AGTPBP1: variants seen among roughly 807,000 people sequenced by gnomAD.
AGTPBP1 encodes the protein cytosolic carboxypeptidase 1.
A neutral mutation model predicts 143.9 loss-of-function variants in AGTPBP1; 70 were observed. That is an observed-to-expected ratio of 0.49 (90% CI 0.40 to 0.59). The LOEUF (loss-of-function observed/expected upper bound fraction) is 0.59, where lower values mean the gene tolerates loss of function less well. Ranked by LOEUF, AGTPBP1 falls within the 20% of genes least tolerant of loss-of-function variation. The probability of loss-of-function intolerance (pLI) is 0.00; values close to 1 mark genes in which losing one functional copy is unlikely to be tolerated. For synonymous variants in AGTPBP1, 463 were observed against 500.2 expected, an observed-to-expected ratio of 0.93 and a Z score of 0.99; for missense variants, 1,229 against 1,464.5, an observed-to-expected ratio of 0.84 and a Z score of 2.62.
intron 25 of AGTPBP1, chr9:85,553,811 T>G (rs1474655366): frequency 1.3e-5 from 2 of 152,216 alleles, no homozygotes. Context: ...GGAACGTGAA[T>G]TTTAGAGTTA....
chr9:85,740,111 A>T (rs1448082955), intron 1 of AGTPBP1, among the ~76,000 whole-genome samples: 1 of 152,236 alleles, frequency 6.6e-6, no homozygotes, highest in Non-Finnish European at 1.5e-5. Context: ...GCCTAGCCAG[A>T]CTTTTCTAAA....
intron 20 of AGTPBP1, among the ~76,000 whole-genome samples, chr9:85,589,128 T>C (rs774192142): frequency 2.0e-5 from 3 of 152,128 alleles, no homozygotes; most frequent in Non-Finnish European, 2.9e-5. Flanking sequence ...CAGGGAAAAA[T>C]GAATAACTAT....
chr9:85,726,346 G>T (rs1162624104), intron 1 of AGTPBP1, among the ~76,000 whole-genome samples: 1 of 152,154 alleles, frequency 6.6e-6, no homozygotes, highest in Non-Finnish European at 1.5e-5. Context: ...AAATTACAAT[G>T]GAGTTATATC....
At chr9:85,646,498 T>C in intron 11 of AGTPBP1, 80 bp from the exon 12 acceptor site, 2 of 948,444 alleles carry the variant, frequency 2.1e-6, no homozygotes, top group East Asian at 2.4e-5. Context: ...ATGTGACTTA[T>C]ATAAAGTATT....
intron 19 of AGTPBP1, among the ~76,000 whole-genome samples, chr9:85,591,935 T>C (rs1275613884): frequency 6.8e-6 from 1 of 147,642 alleles, no homozygotes; most frequent in African/African-American, 2.7e-5. Context: ...CTAGACTTTG[T>C]TTGTTTAGTT....
the AGTPBP1 span, among the ~76,000 whole-genome samples, chr9:85,803,544 A>T: frequency 1.3e-5 from 2 of 152,142 alleles, no homozygotes; most frequent in Non-Finnish European, 2.9e-5. Context: ...TGAGATTCTG[A>T]GTTTCCAACT....
the AGTPBP1 span, among the ~76,000 whole-genome samples, chr9:85,803,461 T>G: frequency 1.3e-5 from 2 of 152,164 alleles, no homozygotes; most frequent in Admixed American, 6.5e-5. Flanking sequence ...TCTCAAACTT[T>G]TTGATGTGGC....
chr9:85,723,745 G>T (rs983771473), intron 1 of AGTPBP1, among the ~76,000 whole-genome samples: 4 of 152,136 alleles, frequency 2.6e-5, no homozygotes, highest in African/African-American at 9.7e-5. Flanking sequence ...TGGAAATGCA[G>T]AAATCACCCG....
intron 3 of AGTPBP1, among the ~76,000 whole-genome samples, chr9:85,690,448 T>A (rs1419952171): frequency 6.6e-6 from 1 of 152,184 alleles, no homozygotes. Context: ...GGTCATTCTC[T>A]GATAGTGGTA....
At chr9:85,753,543 C>G in the AGTPBP1 span, 1 of 1,320,788 alleles carries the variant, frequency 7.6e-7, no homozygotes, top group South Asian at 1.4e-5. Flanking sequence ...CACCTGCGGT[C>G]AGGAGTTCGA....
intron 2 of AGTPBP1, among the ~76,000 whole-genome samples, chr9:85,705,650 T>A (rs1408188874): frequency 6.6e-6 from 1 of 152,172 alleles, no homozygotes; most frequent in South Asian, 2.1e-4. Context: ...AGTAAGCGTA[T>A]GACAAACAGC....
chr9:85,701,374 C>A (rs1391958489), intron 2 of AGTPBP1, among the ~76,000 whole-genome samples: 2 of 151,850 alleles, frequency 1.3e-5, no homozygotes, highest in East Asian at 3.9e-4. Flanking sequence ...GGATTACAGG[C>A]ACCCACCACC....
chr9:85,648,247 G>A (rs1233205772), intron 11 of AGTPBP1, among the ~76,000 whole-genome samples: 1 of 152,210 alleles, frequency 6.6e-6, no homozygotes, highest in Non-Finnish European at 1.5e-5. Flanking sequence ...GGCAGAGTAT[G>A]TGTTACACAA....
chr9:85,701,476 C>T (rs1398919393), intron 2 of AGTPBP1, among the ~76,000 whole-genome samples: 1 of 151,978 alleles, frequency 6.6e-6, no homozygotes, highest in African/African-American at 2.4e-5. Context: ...GTAATCCACC[C>T]GCCTCAGTCT....
At chr9:85,663,019 A>C (rs1713302308) in intron 8 of AGTPBP1, among the ~76,000 whole-genome samples, 1 of 152,172 alleles carries the variant, frequency 6.6e-6, no homozygotes, top group African/African-American at 2.4e-5. Context: ...AAAGCGACCA[A>C]GCCACAGCAC....
chr9:85,743,413 T>C (rs756486038), upstream of AGTPBP1, among the ~76,000 whole-genome samples: 5 of 152,150 alleles, frequency 3.3e-5, no homozygotes, highest in Non-Finnish European at 7.4e-5. Context: ...TTGAAATGAT[T>C]CCAATCACAT....
At chr9:85,778,047 G>A in the AGTPBP1 span, among the ~76,000 whole-genome samples, 1 of 152,338 alleles carries the variant, frequency 6.6e-6, no homozygotes, top group Middle Eastern at 3.4e-3. Flanking sequence ...TCCCCATGAG[G>A]CCATCGGTGC....
intron 3 of AGTPBP1, among the ~76,000 whole-genome samples, chr9:85,686,072 A>G (rs868300433): frequency 3.3e-5 from 5 of 152,092 alleles, no homozygotes; most frequent in Non-Finnish European, 7.4e-5. Context: ...ATAAAAGACA[A>G]ACAGAAAATA....
chr9:85,598,773 G>A lies in AGTPBP1; in HGVS notation c.2336-2324C>T, dbSNP rs1455634892. ...CTTGCTCTGTTGCTCAGGCTGAAGT[G>A]CAATGGTGCGATCTCGGCTCACTGT... On this transcript the variant is annotated intron_variant, in intron 17 of 25. Coordinates refer to ENST00000357081, the MANE Select transcript of AGTPBP1 (RefSeq NM_001330701.2). Among the ~76,000 whole-genome samples the A allele has an allele frequency of 2.0e-5, 3 of 152,158 alleles. No individual in the cohort carries two copies. In the East Asian group the frequency reaches 5.8e-4, roughly 29 times the overall value.
Sources: allele counts gnomAD v4.1 joint callset (sites outside exome capture counted in the v4.1 genomes callset), GRCh38; gene constraint gnomAD v4.1.1; transcripts MANE v1.5; gene names NCBI Gene and HGNC (gene_info 2026-07-23, HGNC 2026-07-21).